The following ZMAT4 variants were observed in gnomAD, a reference collection of about 807,000 sequenced individuals.
The protein encoded by ZMAT4 is zinc finger matrin-type 4, also known as zinc finger matrin-type protein 4.
Under a neutral mutation model 28.7 loss-of-function variants are expected in ZMAT4, and 17 were observed. The observed-to-expected ratio is 0.59, with a 90% confidence interval of 0.41 to 0.89. The LOEUF (loss-of-function observed/expected upper bound fraction) is 0.89. Among genes scored for constraint, ZMAT4 ranks in the 40% least tolerant of loss-of-function variants. The pLI, the probability that ZMAT4 is intolerant of heterozygous loss-of-function variation, is 0.00. For synonymous variants in ZMAT4, 117 were observed against 109.2 expected, an observed-to-expected ratio of 1.07 and a Z score of -0.44; for missense variants, 240 against 283.8, an observed-to-expected ratio of 0.85 and a Z score of 1.11.
At chr8:40,696,291 G>A (rs1396560736) in intron 4 of ZMAT4, among the ~76,000 whole-genome samples, 2 of 152,182 alleles carry the variant, frequency 1.3e-5, no homozygotes, top group African/African-American at 2.4e-5. Flanking sequence ...AAGAAAAACA[G>A]TGGTAAGGAT....
intron 1 of ZMAT4, among the ~76,000 whole-genome samples, chr8:40,894,768 C>CAGA (rs1818812414): frequency 6.7e-6 from 1 of 148,752 alleles, no homozygotes; most frequent in African/African-American, 2.5e-5. Flanking sequence ...GGAATTCACA[C>CAGA]ATCCACAGAA....
intron 3 of ZMAT4, among the ~76,000 whole-genome samples, chr8:40,729,075 T>A (rs544177685): frequency 3.5e-4 from 54 of 152,386 alleles, no homozygotes; most frequent in Admixed American, 7.8e-4. Flanking sequence ...ATTTGTTTCT[T>A]TGTTCAACCG....
intron 1 of ZMAT4, among the ~76,000 whole-genome samples, chr8:40,829,363 G>T (rs1816192486): frequency 1.3e-5 from 2 of 152,206 alleles, no homozygotes; most frequent in South Asian, 4.1e-4. Context: ...TATCTGCAAT[G>T]GAGGTAAGAG....
At chr8:40,896,422 A>T (rs1015290644) in intron 1 of ZMAT4, among the ~76,000 whole-genome samples, 1 of 152,162 alleles carries the variant, frequency 6.6e-6, no homozygotes, top group African/African-American at 2.4e-5. Flanking sequence ...GATCACCCCC[A>T]GACTATCAGC....
At chr8:40,703,854 C>A (rs1283754993) in intron 3 of ZMAT4, among the ~76,000 whole-genome samples, 1 of 152,168 alleles carries the variant, frequency 6.6e-6, no homozygotes, top group Non-Finnish European at 1.5e-5. Flanking sequence ...TGTTTTTTCT[C>A]TTTTCCAGGC....
chr8:40,794,468 C>T (rs905267357), intron 2 of ZMAT4, among the ~76,000 whole-genome samples: 1 of 152,218 alleles, frequency 6.6e-6, no homozygotes, highest in Non-Finnish European at 1.5e-5. Context: ...ACTCCAGGCA[C>T]TCTCTACAGA....
At position 40,625,902 on chromosome 8, in the gene ZMAT4, G is replaced by A. The variant is rs141095806; in HGVS notation, c.578-44641C>T. Among the ~76,000 whole-genome samples, 440 of 152,128 alleles carry A rather than the reference G, an allele frequency of 2.9e-3. 4 individuals are homozygous for A. Among genetic ancestry groups the A allele is most frequent in the African/African-American group, 9.9e-3 (410 of 41,512 alleles). Reference sequence around the variant, plus strand: ...CAAGGCAGGTGGATCACCTGAGGTCGGGAGTTTGAGATCAGCCTGGCCAAC... The same window carrying A: ...CAAGGCAGGTGGATCACCTGAGGTCAGGAGTTTGAGATCAGCCTGGCCAAC... On this transcript the variant is annotated intron_variant, in intron 5 of 6. Transcript: ENST00000297737.
At chr8:40,727,255 C>T (rs938163887) in intron 3 of ZMAT4, among the ~76,000 whole-genome samples, 1 of 152,120 alleles carries the variant, frequency 6.6e-6, no homozygotes, top group Non-Finnish European at 1.5e-5. Context: ...GAGTTCTCGT[C>T]ATCTCAGGCA....
chr8:40,644,327 T>C (rs1436524625), intron 5 of ZMAT4, among the ~76,000 whole-genome samples: 2 of 152,084 alleles, frequency 1.3e-5, no homozygotes, highest in East Asian at 3.9e-4. Flanking sequence ...TTTCTAGGAC[T>C]GAGGCAGGAA....
In ZMAT4 at chr8:40,754,275, G is replaced by A. The variant is rs552185466; in HGVS notation, c.192+13366C>T. On this transcript the variant is annotated intron_variant, in intron 3 of 6. Coordinates refer to ENST00000297737, the MANE Select transcript of ZMAT4 (RefSeq NM_024645.3). ...AACAGTGGAGTTAGAGTACAGGAGG[G>A]GGCTACCAGGCTTTCCAATGATCAA... 2.6e-5 allele frequency among the ~76,000 whole-genome samples: 4 copies of A among 152,250 alleles called. No homozygotes were observed. In the East Asian group the frequency reaches 7.7e-4, roughly 29 times the overall value.
intron 1 of ZMAT4, among the ~76,000 whole-genome samples, chr8:40,873,056 A>G (rs934806663): frequency 3.3e-5 from 5 of 152,118 alleles, no homozygotes; most frequent in African/African-American, 1.2e-4. Flanking sequence ...AAAAAAAATT[A>G]TCCATGCAAG....
intron 5 of ZMAT4, among the ~76,000 whole-genome samples, chr8:40,583,757 G>T (rs893158616): frequency 2.0e-5 from 3 of 152,132 alleles, no homozygotes; most frequent in Non-Finnish European, 2.9e-5. Flanking sequence ...TACCTTGTTT[G>T]GTTTGGTAAG....
At chr8:40,647,575 C>A (rs953926393) in intron 5 of ZMAT4, among the ~76,000 whole-genome samples, 13 of 152,176 alleles carry the variant, frequency 8.5e-5, no homozygotes, top group South Asian at 2.1e-4. Context: ...GAGCCCACCA[C>A]AGCTCAAGGA....
At chr8:40,545,337 ATGT>A (rs1803167078) in intron 6 of ZMAT4, among the ~76,000 whole-genome samples, 1 of 152,094 alleles carries the variant, frequency 6.6e-6, no homozygotes, top group Admixed American at 6.5e-5. Context: ...GAGATAATAA[ATGT>A]TGTTGTTTGA....
chr8:40,583,013 T>C (rs1173749830), intron 5 of ZMAT4, among the ~76,000 whole-genome samples: 1 of 152,110 alleles, frequency 6.6e-6, no homozygotes, highest in East Asian at 1.9e-4. Flanking sequence ...TCACCACCAG[T>C]ACGAAGAAGA....
chr8:40,646,636 G>A (rs898826979), intron 5 of ZMAT4, among the ~76,000 whole-genome samples: 3 of 152,032 alleles, frequency 2.0e-5, no homozygotes, highest in Admixed American at 6.6e-5. Flanking sequence ...ATTTCATTAT[G>A]ATAATACAGT....
chr8:40,640,319 G>T (rs553130648), intron 5 of ZMAT4, among the ~76,000 whole-genome samples: 1 of 152,168 alleles, frequency 6.6e-6, no homozygotes, highest in Non-Finnish European at 1.5e-5. Context: ...TGCAGAGGAT[G>T]TGAAGGCTAG....
At chr8:40,737,082 C>T (rs1811796151) in intron 3 of ZMAT4, among the ~76,000 whole-genome samples, 1 of 152,172 alleles carries the variant, frequency 6.6e-6, no homozygotes, top group Admixed American at 6.5e-5. Flanking sequence ...GTGATTGAAG[C>T]CACTGCAGCA....
chr8:40,582,312 G>A (rs985336182), intron 5 of ZMAT4, among the ~76,000 whole-genome samples: 3 of 152,096 alleles, frequency 2.0e-5, no homozygotes, highest in African/African-American at 7.2e-5. Flanking sequence ...ACCAACCTGA[G>A]CCACATGGCA....
Sources: gnomAD v4.1 joint callset for allele counts (sites outside exome capture counted in the v4.1 genomes callset) on GRCh38, gnomAD v4.1.1 for gene constraint, MANE v1.5 for transcripts, NCBI Gene and HGNC (gene_info 2026-07-23, HGNC 2026-07-21) for gene names.